The following RABGAP1L variants were observed in gnomAD, a reference collection of about 807,000 sequenced individuals.
RABGAP1L encodes the protein rab GTPase-activating protein 1-like.
A neutral mutation model predicts 137.7 loss-of-function variants in RABGAP1L; 63 were observed. The ratio of observed to expected loss-of-function variants is 0.46; its 90% confidence interval spans 0.37 to 0.56. The LOEUF is 0.56. Among genes scored for constraint, RABGAP1L ranks in the 20% least tolerant of loss-of-function variants. RABGAP1L has a pLI of 0.00. For synonymous variants in RABGAP1L, 431 were observed against 433.7 expected, an observed-to-expected ratio of 0.99 and a Z score of 0.08; for missense variants, 1,095 against 1,244.0, an observed-to-expected ratio of 0.88 and a Z score of 1.80.
intron 10 of RABGAP1L, among the ~76,000 whole-genome samples, chr1:174,285,701 C>T (rs889114162): frequency 6.6e-6 from 1 of 151,944 alleles, no homozygotes; most frequent in Non-Finnish European, 1.5e-5. Context: ...TACTATTCAC[C>T]TTTGAGAATG....
At chr1:174,970,526 C>T (rs1003123308) in intron 21 of RABGAP1L, among the ~76,000 whole-genome samples, 12 of 152,184 alleles carry the variant, frequency 7.9e-5, no homozygotes, top group Admixed American at 5.9e-4. Context: ...TGTGTTAAGA[C>T]GTTAAAAGGT....
At chr1:174,408,292 C>T (rs1352161927) in intron 13 of RABGAP1L, among the ~76,000 whole-genome samples, 1 of 152,164 alleles carries the variant, frequency 6.6e-6, no homozygotes, top group Non-Finnish European at 1.5e-5. Flanking sequence ...GTTTATCTCC[C>T]ACTCATAAGT....
At chr1:174,437,904 G>C (rs1228932892) in intron 13 of RABGAP1L, among the ~76,000 whole-genome samples, 1 of 152,138 alleles carries the variant, frequency 6.6e-6, no homozygotes, top group South Asian at 2.1e-4. Context: ...AAGAGAGTGG[G>C]GGCCAATATT....
chr1:174,272,507 CAA>C (rs778074319), intron 8 of RABGAP1L, 27 bp downstream of exon 8: 57 of 1,513,176 alleles, frequency 3.8e-5, no homozygotes, highest in Non-Finnish European at 4.7e-5. Flanking sequence ...GCACCTTAAC[CAA>C]GTATAGATGA....
chr1:174,241,440 C>A, intron 4 of RABGAP1L, 43 bp from the exon 5 acceptor site: 2 of 1,302,116 alleles, frequency 1.5e-6, no homozygotes, highest in Non-Finnish European at 1.0e-6. Context: ...CTTTGTTCTT[C>A]GAGAATTAAT....
At chr1:174,572,230 T>C (rs899935041) in intron 13 of RABGAP1L, among the ~76,000 whole-genome samples, 48 of 152,178 alleles carry the variant, frequency 3.2e-4, no homozygotes, top group African/African-American at 9.9e-4. Context: ...TTTTGTAAAA[T>C]TGGAAACATA....
chr1:174,415,866 A>C (rs1650492559), intron 13 of RABGAP1L, among the ~76,000 whole-genome samples: 1 of 151,828 alleles, frequency 6.6e-6, no homozygotes, highest in Non-Finnish European at 1.5e-5. Flanking sequence ...TGGTATGTTC[A>C]CATAATTTTT....
intron 1 of RABGAP1L, among the ~76,000 whole-genome samples, chr1:174,178,026 T>C (rs1227193857): frequency 6.6e-6 from 1 of 152,196 alleles, no homozygotes; most frequent in Non-Finnish European, 1.5e-5. Flanking sequence ...AGAAAGTCAA[T>C]GGTAGCTTGA....
chr1:174,491,610 C>T (rs953523603), intron 13 of RABGAP1L, among the ~76,000 whole-genome samples: 3 of 152,068 alleles, frequency 2.0e-5, no homozygotes, highest in Admixed American at 6.5e-5. Context: ...TTACATGTCC[C>T]CCCAGTCCAC....
In RABGAP1L at chr1:174,812,024, T is replaced by C. The variant is rs1347321462; in HGVS notation, c.2340+64T>C. 2.1e-6 allele frequency: 3 copies of C among 1,420,328 alleles called. No individual in the cohort carries two copies. In the East Asian group the frequency reaches 7.7e-5, roughly 36 times the overall value. The allele number at this position is 1,420,328 out of a possible 1,614,324, so 88.0% of individuals were successfully genotyped here. ...GAGTGCAGAATAATATGACAAATTA[T>C]GTAAAAATTTTTTTATATGTTGCAA... is the stretch of plus-strand genomic sequence containing the variant. On this transcript the variant is annotated intron_variant, in intron 19 of 25. Coordinates refer to ENST00000681986, the MANE Select transcript of RABGAP1L (RefSeq NM_001366446.1).
chr1:174,330,605 CA>C (rs1372952664), intron 11 of RABGAP1L, among the ~76,000 whole-genome samples: 50 of 147,460 alleles, frequency 3.4e-4, no homozygotes, highest in Non-Finnish European at 6.5e-4. Flanking sequence ...AACAAACAAA[CA>C]AAACACCTAC....
At chr1:174,757,295 G>A (rs918452346) in intron 18 of RABGAP1L, among the ~76,000 whole-genome samples, 12 of 151,926 alleles carry the variant, frequency 7.9e-5, no homozygotes, top group African/African-American at 2.2e-4. Context: ...AAATAAAACC[G>A]TAACAAATAT....
At chr1:174,346,857 T>A (rs950487138) in intron 11 of RABGAP1L, among the ~76,000 whole-genome samples, 2 of 152,082 alleles carry the variant, frequency 1.3e-5, no homozygotes, top group Non-Finnish European at 2.9e-5. Flanking sequence ...TAGGTGCTTA[T>A]AGCTATAAAC....
chr1:174,514,266 A>C (rs1024951828), intron 13 of RABGAP1L, among the ~76,000 whole-genome samples: 3 of 151,336 alleles, frequency 2.0e-5, no homozygotes, highest in Non-Finnish European at 4.4e-5. Flanking sequence ...AAAAAAAAAA[A>C]AAAACTGGGG....
intron 19 of RABGAP1L, chr1:174,935,577 A>G (rs980257286): frequency 2.6e-5 from 4 of 152,320 alleles, no homozygotes; most frequent in African/African-American, 9.6e-5. Flanking sequence ...ATTTATTATC[A>G]TTTGTGATTT....
At chr1:174,756,236 C>T (rs1684746391) in intron 18 of RABGAP1L, among the ~76,000 whole-genome samples, 1 of 152,140 alleles carries the variant, frequency 6.6e-6, no homozygotes, top group Admixed American at 6.6e-5. Context: ...GCAACCTCCG[C>T]CTCCTGGGGT....
chr1:174,474,572 C>T (rs1006054594), intron 13 of RABGAP1L, among the ~76,000 whole-genome samples: 4 of 151,988 alleles, frequency 2.6e-5, no homozygotes, highest in Admixed American at 6.6e-5. Flanking sequence ...GTCATAATAT[C>T]GAACCTCTCT....
intron 19 of RABGAP1L, among the ~76,000 whole-genome samples, chr1:174,905,577 G>A (rs1356437388): frequency 2.0e-5 from 3 of 152,212 alleles, no homozygotes; most frequent in Non-Finnish European, 2.9e-5. Flanking sequence ...AAGTCTGGGT[G>A]TGGTGGCTCA....
At chr1:174,546,985 G>A (rs1274665424) in intron 13 of RABGAP1L, among the ~76,000 whole-genome samples, 3 of 130,214 alleles carry the variant, frequency 2.3e-5, no homozygotes, top group Non-Finnish European at 3.1e-5. Flanking sequence ...AGCAGAGATC[G>A]CGCCACTGCA....
Sources: allele counts gnomAD v4.1 joint callset (sites outside exome capture counted in the v4.1 genomes callset), GRCh38; gene constraint gnomAD v4.1.1; transcripts MANE v1.5; gene names NCBI Gene and HGNC (gene_info 2026-07-23, HGNC 2026-07-21).